ADGRF3: variants seen among roughly 807,000 people sequenced by gnomAD.
ADGRF3 encodes G protein-coupled receptor 113.
In ADGRF3, 85 loss-of-function variants were observed where a neutral mutation model predicts 93.2. The observed-to-expected ratio is 0.91, with a 90% CI of 0.77 to 1.09. The LOEUF is 1.09. ADGRF3 is among the 50% of genes least tolerant of loss of function. The pLI is 0.00. For synonymous variants in ADGRF3, 534 were observed against 532.5 expected (o/e 1.00, Z -0.04); for missense variants, 1,125 against 1,246.2 (o/e 0.90, Z 1.46).
rs57691864 is a variant in ADGRF3 at position 26,336,722 on chromosome 2, T to TAAAA, written c.114+9395_114+9398dup. ...ACCTTGGTGACAGAGTGAGACTCCA[T>TAAAA]AAAAAAAAAAAAAAAAAAAAAAAAA... On this transcript the variant is annotated intron_variant, in intron 1 of 13. Coordinates refer to ENST00000651242, the MANE Select transcript of ADGRF3 (RefSeq NM_001321971.2). 8.6e-4 allele frequency among the ~76,000 whole-genome samples: 19 copies of TAAAA among 22,076 alleles called. 1 individual carries two copies. The highest frequency in any genetic ancestry group is 1.8e-3 in the South Asian group (1 of 550). 14.5% of individuals were successfully genotyped at this position (22,076 alleles called of 152,430 possible).
intron 5 of ADGRF3, among the ~76,000 whole-genome samples, chr2:26,314,999 T>C (rs1674529050): frequency 6.6e-6 from 1 of 152,252 alleles, no homozygotes; most frequent in Non-Finnish European, 1.5e-5. Context: ...AGTATTTTTG[T>C]TAACAGAAAC....
Position 26,313,015 on chromosome 2 carries a change from C to G in ADGRF3, c.1377G>C (p.Leu459=). 6.2e-7 allele frequency: 1 copy of G among 1,614,050 alleles called. No individual in the cohort carries two copies. The highest frequency in any genetic ancestry group is 8.5e-7 in the Non-Finnish European group (1 of 1,179,892). The change falls in exon 9 of 14, where the codon CTG becomes CTC. Residue 459 remains leucine (L), a synonymous_variant. Coordinates refer to ENST00000651242, the MANE Select transcript of ADGRF3 (RefSeq NM_001321971.2). ...TGGCCACGTATTTCATGGTGCTCAG[C>G]AGGGTCAGTAAGTCGGAGGGTGAAC... The part of the protein sequence containing the change: ...EASSPSDLLT[L]LSTMKYVAKV...
intron 1 of ADGRF3, among the ~76,000 whole-genome samples, chr2:26,319,710 A>C: frequency 7.3e-6 from 1 of 137,794 alleles, no homozygotes; most frequent in Non-Finnish European, 1.6e-5. Flanking sequence ...GCTTGCTCTC[A>C]CTCTCGTTCT....
rs765482296 is a variant in ADGRF3, at chr2:26,317,540, TC to T, written c.136del (p.Glu46AsnfsTer41). ...GTCCAGGAGCTGCCCAGATCCAGATTCCCCTCCAGCCTGACTCTGTCCCTGG... is the reference window on the plus strand; with the variant it reads ...GTCCAGGAGCTGCCCAGATCCAGATTCCCTCCAGCCTGACTCTGTCCCTGG... ...PEKGQSQAGG[E>X]SGSGQLLDQE... is the part of the protein sequence containing the mutation. On this transcript the variant is annotated frameshift_variant, in exon 2 of 14. Transcript: ENST00000651242. LOFTEE classifies it high-confidence loss of function. 1.3e-6 allele frequency: 2 copies of T among 1,582,170 alleles called. No individual in the cohort carries two copies. The highest frequency in any genetic ancestry group is 1.7e-6 in the Non-Finnish European group (2 of 1,164,512).
intron 10 of ADGRF3, 135 bp from the exon 11 acceptor site, chr2:26,310,372 T>C (rs1009038706): frequency 3.0e-5 from 29 of 951,228 alleles, no homozygotes; most frequent in Non-Finnish European, 4.0e-5. Flanking sequence ...ATTTGGTGCA[T>C]AGGATCCATT....
rs1386027309 is a variant in ADGRF3 at position 26,313,395 on chromosome 2, G to A, written c.1251C>T (p.Ala417=). 1 of 1,598,966 alleles carries A rather than the reference G, an allele frequency of 6.3e-7. No homozygotes were observed. The highest frequency in any genetic ancestry group is 8.5e-7 in the Non-Finnish European group (1 of 1,173,204). Residue 417 remains alanine (A), a synonymous_variant, in exon 8 of 14, where the codon GCC becomes GCT. Transcript: ENST00000651242. ...HSSCTDARLL[A]LFTRTKLLQA... ...GCTTCACCTTGGTTCTAGTGAACAA[G>A]GCCAGGAGCCTCGCATCTGTGCAGC...
intron 1 of ADGRF3, chr2:26,340,614 C>T (rs191796956): frequency 4.6e-5 from 7 of 152,308 alleles, no homozygotes; most frequent in Admixed American, 2.0e-4. Flanking sequence ...GAGAAAGGAT[C>T]GCAGAGGTGA....
chr2:26,342,266 G>A (rs1196883570), intron 1 of ADGRF3, among the ~76,000 whole-genome samples: 3 of 152,132 alleles, frequency 2.0e-5, no homozygotes, highest in Non-Finnish European at 2.9e-5. Flanking sequence ...TCAGGCCCAT[G>A]GCTCAGGATT....
chr2:26,311,236 A>C lies in ADGRF3; in HGVS notation c.2288T>G (p.Phe763Cys). 6.2e-7 allele frequency: 1 copy of C among 1,608,810 alleles called. No individual in the cohort carries two copies. Among genetic ancestry groups the C allele is most frequent in the Non-Finnish European group, 8.5e-7 (1 of 1,177,678 alleles). Residue 763 changes from phenylalanine (F) to cysteine (C), a missense_variant, in exon 10 of 14, where the codon TTC becomes TGC. By Grantham distance (205) the Phe-to-Cys change is radical. Transcript: ENST00000651242. ...CGGGCTTCGGGGCCCTGGAGAGAGG[A>C]ATGGGGCGCCCAGGAAGCAAGTGTC... is the stretch of plus-strand genomic sequence containing the variant. ...AADTCFLGAPFLSPGPRSPLC... is the reference protein window; with the variant it reads ...AADTCFLGAPCLSPGPRSPLC...
chr2:26,332,018 C>T (rs925171110), intron 1 of ADGRF3, among the ~76,000 whole-genome samples: 2 of 152,038 alleles, frequency 1.3e-5, no homozygotes, highest in African/African-American at 4.8e-5. Context: ...TGAACTCCTC[C>T]CCCATTAGCT....
intron 1 of ADGRF3, among the ~76,000 whole-genome samples, chr2:26,336,942 G>A (rs1473612564): frequency 6.6e-6 from 1 of 152,112 alleles, no homozygotes. Flanking sequence ...GAGCAAGTGG[G>A]AGGTTTGGAA....
chr2:26,308,836 G>T lies in ADGRF3; in HGVS notation c.*250C>A. Reference sequence around the variant, plus strand: ...ACTTTGATATCTGTCGATTATTTCTGGAGCAAAGGCAGGCTTATTCATTAG... The same window carrying T: ...ACTTTGATATCTGTCGATTATTTCTTGAGCAAAGGCAGGCTTATTCATTAG... On this transcript the variant is annotated 3_prime_UTR_variant, in exon 14 of 14. Transcript: ENST00000651242. 1 of 481,526 alleles carries T rather than the reference G, an allele frequency of 2.1e-6. No homozygotes were observed. Among genetic ancestry groups the T allele is most frequent in the Non-Finnish European group, 3.7e-6 (1 of 271,890 alleles). 29.8% of individuals were successfully genotyped at this position (481,526 alleles called of 1,614,324 possible).
chr2:26,344,233 T>A (rs1422228222), intron 1 of ADGRF3, among the ~76,000 whole-genome samples: 1 of 152,120 alleles, frequency 6.6e-6, no homozygotes, highest in Non-Finnish European at 1.5e-5. Flanking sequence ...TAACCCCACC[T>A]CCCAGGCTCA....
At chr2:26,336,719 CCATAAAAAAAAAA>C (rs1676065602) in intron 1 of ADGRF3, among the ~76,000 whole-genome samples, 1 of 72,944 alleles carries the variant, frequency 1.4e-5, no homozygotes, top group Non-Finnish European at 2.5e-5. Context: ...GAGTGAGACT[CCATAAAAAAAAAA>C]AAAAAAAAAA....
intron 1 of ADGRF3, chr2:26,317,865 G>T (rs554741590): frequency 2.8e-6 from 2 of 711,514 alleles, no homozygotes; most frequent in African/African-American, 1.8e-5. Context: ...AAATGGCTTG[G>T]TCTGGAGCTC....
chr2:26,313,930 G>T, intron 6 of ADGRF3, 27 bp from the exon 7 acceptor site: 1 of 1,613,178 alleles, frequency 6.2e-7, no homozygotes. Flanking sequence ...GAAGGGAACT[G>T]TCATTGGGCC....
Position 26,311,698 on chromosome 2 carries a change from GA to G in ADGRF3, c.1825del (p.Ser609ProfsTer97), listed in dbSNP as rs766125128. ...PSNYGQGLGD[S>X]LYATPGLVLV... ...GACCAGGCCAGGAGTGGCATAGAGGGAATCCCCCAGCCCTTGTCCATAGTTT... is the reference window on the plus strand; with the variant it reads ...GACCAGGCCAGGAGTGGCATAGAGGGATCCCCCAGCCCTTGTCCATAGTTT... On this transcript the variant is annotated frameshift_variant, in exon 10 of 14. Transcript: ENST00000651242. LOFTEE classifies it high-confidence loss of function. 1 of 1,613,448 alleles carries G rather than the reference GA, an allele frequency of 6.2e-7. No homozygotes were observed. Among genetic ancestry groups the G allele is most frequent in the South Asian group, 1.1e-5 (1 of 91,036 alleles).
At chr2:26,315,796 G>A in intron 4 of ADGRF3, 56 bp from the exon 5 acceptor site, 1 of 1,546,518 alleles carries the variant, frequency 6.5e-7, no homozygotes, top group Non-Finnish European at 8.7e-7. Context: ...GCCCTCAGAT[G>A]CAGCCGAGCA....
At chr2:26,345,034 C>T (rs756708942) in intron 1 of ADGRF3, among the ~76,000 whole-genome samples, 2 of 152,092 alleles carry the variant, frequency 1.3e-5, no homozygotes, top group Non-Finnish European at 2.9e-5. Context: ...CCCAGAGAGA[C>T]TGAAAGGCTC....
Sources: gnomAD v4.1 joint callset for allele counts (sites outside exome capture counted in the v4.1 genomes callset) on GRCh38, gnomAD v4.1.1 for gene constraint, MANE v1.5 for transcripts, NCBI Gene and HGNC (gene_info 2026-07-23, HGNC 2026-07-21) for gene names.